The following NCR1 variants were observed in gnomAD, a reference collection of about 807,000 sequenced individuals.
NCR1 encodes the protein NK cell-activating receptor.
In NCR1, 30 loss-of-function variants were observed where a neutral mutation model predicts 32.5. The observed-to-expected ratio is 0.92, with a 90% CI of 0.69 to 1.25. The LOEUF is 1.25. NCR1 is among the 50% of genes most tolerant of loss of function. NCR1 has a pLI of 0.00. For synonymous variants in NCR1, 169 were observed against 143.4 expected (o/e 1.18, Z -1.28); for missense variants, 369 against 380.7 (o/e 0.97, Z 0.26).
At chr19:54,934,333 C>T in the NCR1 span, among the ~76,000 whole-genome samples, 2 of 152,216 alleles carry the variant, frequency 1.3e-5, no homozygotes, top group Middle Eastern at 6.8e-3. The surrounding 1 kb of genome is among the most constrained non-coding windows in gnomAD (Gnocchi z 6.7). Context: ...CACCTCTCTG[C>T]TGAGATTACA....
chr19:54,906,004 G>A (rs2067583367), upstream of NCR1: 27 of 708,190 alleles, frequency 3.8e-5, 1 homozygote, highest in South Asian at 4.0e-4. Flanking sequence ...GAGGGACCAC[G>A]GCCTTTCTGT....
the NCR1 span, among the ~76,000 whole-genome samples, chr19:54,935,694 G>GAA: frequency 6.6e-5 from 7 of 106,028 alleles, no homozygotes; most frequent in Non-Finnish European, 9.0e-5. Flanking sequence ...CTGTCTCAAA[G>GAA]AAAAAAAAAA....
At chr19:54,907,234 C>G (rs1186457254) in intron 3 of NCR1, among the ~76,000 whole-genome samples, 5 of 151,048 alleles carry the variant, frequency 3.3e-5, no homozygotes, top group Non-Finnish European at 7.4e-5. Flanking sequence ...CCAGTCACTG[C>G]AACCTCCACC....
chr19:54,906,826 A>G lies in NCR1; in HGVS notation c.355+19A>G. 1 of 1,612,138 alleles carries G rather than the reference A, an allele frequency of 6.2e-7. No homozygotes were observed. The highest frequency in any genetic ancestry group is 8.5e-7 in the Non-Finnish European group (1 of 1,178,820). On this transcript the variant is annotated intron_variant, in intron 3 of 6. Transcript: ENST00000291890. The stretch of plus-strand genomic sequence containing the variant: ...GTAACAGGTAACTGTCCGGTTCTCT[A>G]ACTGGAGAGTGATCTCAGTCTGCAT...
the NCR1 span, among the ~76,000 whole-genome samples, chr19:54,926,227 T>TGTGTGTGTGTGC: frequency 1.3e-3 from 197 of 150,838 alleles, no homozygotes; most frequent in East Asian, 5.0e-3. Context: ...TGTGTGTGTG[T>TGTGTGTGTGTGC]GCTCATGCAC....
intron 5 of NCR1, among the ~76,000 whole-genome samples, chr19:54,911,917 CA>C (rs367770103): frequency 2.6e-3 from 357 of 136,054 alleles, no homozygotes; most frequent in South Asian, 0.014. Context: ...GACTCTATCT[CA>C]AAAAAAAAAA....
intron 5 of NCR1, among the ~76,000 whole-genome samples, chr19:54,911,645 G>A (rs377091505): frequency 2.0e-5 from 3 of 151,866 alleles, no homozygotes; most frequent in Non-Finnish European, 4.4e-5. Context: ...ACAGCTACTC[G>A]GGGCTGAAGC....
chr19:54,908,874 G>T (rs8111853), intron 3 of NCR1, among the ~76,000 whole-genome samples: 102,983 of 151,316 alleles, frequency 0.68, 37,278 homozygotes, highest in Non-Finnish European at 0.82. Flanking sequence ...GGAGGTCGAG[G>T]CTTCAGTAAG....
At chr19:54,927,721 G>A in the NCR1 span, 15 of 1,613,946 alleles carry the variant, frequency 9.3e-6, no homozygotes, top group Non-Finnish European at 1.3e-5. Flanking sequence ...GATTGCTGAG[G>A]AGAGCAGATC....
chr19:54,923,596 C>G, the NCR1 span: 1 of 960,936 alleles, frequency 1.0e-6, no homozygotes, highest in Non-Finnish European at 1.7e-6. Context: ...CAGAATCTCC[C>G]AAAAATAGTG....
At position 54,912,891 on chromosome 19, in the gene NCR1, G is replaced by A. The variant is rs751798836; in HGVS notation, c.*20G>A. On this transcript the variant is annotated 3_prime_UTR_variant, in exon 7 of 7. Transcript: ENST00000291890. Reference sequence around the variant, plus strand: ...CTTTGAAGAATGACCATGAGACACAGTGGCCATGGGTGGATCTGAAAGCTG... The same window carrying A: ...CTTTGAAGAATGACCATGAGACACAATGGCCATGGGTGGATCTGAAAGCTG... 4 of 1,606,064 alleles carry A rather than the reference G, an allele frequency of 2.5e-6. No homozygotes were observed. The highest frequency in any genetic ancestry group is 3.4e-6 in the Non-Finnish European group (4 of 1,175,390).
At chr19:54,919,178 G>A (rs945342166), downstream of NCR1, among the ~76,000 whole-genome samples, 3 of 152,086 alleles carry the variant, frequency 2.0e-5, no homozygotes, top group African/African-American at 7.2e-5. Context: ...GTCTCTCCCT[G>A]TGTGCGGCGA....
downstream of NCR1, among the ~76,000 whole-genome samples, chr19:54,919,993 T>TA (rs1421555534): frequency 1.3e-5 from 2 of 152,230 alleles, no homozygotes; most frequent in East Asian, 3.8e-4. Flanking sequence ...AGGATTATTA[T>TA]AATATTGGAA....
At chr19:54,915,368 C>T (rs939330544), downstream of NCR1, among the ~76,000 whole-genome samples, 2 of 152,132 alleles carry the variant, frequency 1.3e-5, no homozygotes, top group South Asian at 2.1e-4. Flanking sequence ...ATATACTCAT[C>T]GCATGGGTCC....
the NCR1 span, among the ~76,000 whole-genome samples, chr19:54,922,184 C>T: frequency 6.6e-6 from 1 of 152,044 alleles, no homozygotes; most frequent in South Asian, 2.1e-4. Context: ...TGAGCCACAG[C>T]GCCTGGCTGC....
chr19:54,930,097 T>A, the NCR1 span, among the ~76,000 whole-genome samples: 1 of 106,338 alleles, frequency 9.4e-6, no homozygotes, highest in South Asian at 3.0e-4. Flanking sequence ...CCTGGGCAAC[T>A]AGAACGAGGC....
At position 54,906,300 on chromosome 19, in the gene NCR1, G is replaced by T. The variant is rs1261278138; in HGVS notation, c.36G>T (p.Gly12=). The change falls in exon 2 of 7, where the codon GGG becomes GGT. Residue 12 remains glycine, a splice_region_variant and synonymous_variant. Transcript: ENST00000291890. ...GGTCTCATTACTCCCGTCTTCCAGG[G>T]CTGTGTCTGAGTCAGAGGATCAGCG... ...SSTLPALLCV[G]LCLSQRISAQ... is the part of the protein sequence containing the mutation. 2 of 1,614,034 alleles carry T rather than the reference G, an allele frequency of 1.2e-6. No individual in the cohort carries two copies. The highest frequency in any genetic ancestry group is 1.7e-6 in the Non-Finnish European group (2 of 1,180,034).
chr19:54,921,585 A>G, the NCR1 span, among the ~76,000 whole-genome samples: 1 of 152,126 alleles, frequency 6.6e-6, no homozygotes, highest in Non-Finnish European at 1.5e-5. Context: ...CAGCCTGGCT[A>G]ACATGGTGAA....
chr19:54,919,719 C>CCG (rs1556721778), downstream of NCR1, among the ~76,000 whole-genome samples: 1 of 145,758 alleles, frequency 6.9e-6, no homozygotes, highest in Non-Finnish European at 1.5e-5. Context: ...GGGAGACCCC[C>CCG]CCCCCCACCC....
Sources: gnomAD v4.1 joint callset for allele counts (sites outside exome capture counted in the v4.1 genomes callset) on GRCh38, gnomAD v4.1.1 for gene constraint, Gnocchi (gnomAD v3.1) non-coding constraint, MANE v1.5 for transcripts, NCBI Gene and HGNC (gene_info 2026-07-23, HGNC 2026-07-21) for gene names.